GADL1: variants seen among roughly 807,000 people sequenced by gnomAD.
GADL1 encodes GAD like acidic amino acid decarboxylase 1.
A neutral mutation model predicts 69.5 loss-of-function variants in GADL1; 71 were observed. That is an observed-to-expected ratio of 1.02 (90% CI 0.84 to 1.25). The LOEUF (loss-of-function observed/expected upper bound fraction) is 1.25. Among genes scored for constraint, GADL1 ranks in the 50% most tolerant of loss-of-function variants. GADL1 has a pLI of 0.00. For missense variants in GADL1, 737 were observed against 631.8 expected (o/e 1.17, Z -1.79); for synonymous variants, 254 against 214.4 (o/e 1.18, Z -1.62).
intron 14 of GADL1, among the ~76,000 whole-genome samples, chr3:30,740,985 T>A (rs866249112): frequency 4.1e-5 from 5 of 121,850 alleles, no homozygotes; most frequent in South Asian, 4.7e-4. Context: ...TAATATATAT[T>A]ATATATTATA....
rs375787449 is a variant in GADL1 at position 30,834,211 on chromosome 3, A to G, written c.968+6T>C. On this transcript the variant is annotated splice_donor_region_variant and intron_variant, in intron 10 of 14. Transcript: ENST00000282538. ...AGTTGGCTGTACACCAGGAAACTACATTTACCTGTGGATGCCATGCAGAAG... is the reference window on the plus strand; with the variant it reads ...AGTTGGCTGTACACCAGGAAACTACGTTTACCTGTGGATGCCATGCAGAAG... 6.6e-5 allele frequency: 107 copies of G among 1,611,794 alleles called. No individual in the cohort carries two copies. The highest frequency in any genetic ancestry group is 8.7e-5 in the Non-Finnish European group (103 of 1,178,374).
chr3:30,862,068 G>A (rs1156999760), intron 1 of GADL1, among the ~76,000 whole-genome samples: 1 of 151,864 alleles, frequency 6.6e-6, no homozygotes. Context: ...GCAATTTCAG[G>A]TCTGATGGGG....
intron 6 of GADL1, among the ~76,000 whole-genome samples, chr3:30,845,051 G>A (rs1057405986): frequency 1.3e-5 from 2 of 152,130 alleles, no homozygotes; most frequent in African/African-American, 2.4e-5. Context: ...AGCAAACAAT[G>A]AGTTATAAGT....
intron 2 of GADL1, among the ~76,000 whole-genome samples, chr3:30,857,392 AAG>A (rs1377645557): frequency 2.6e-5 from 4 of 152,066 alleles, no homozygotes; most frequent in African/African-American, 7.2e-5. Flanking sequence ...TACATAGAAT[AAG>A]AGTAGAGCGA....
intron 11 of GADL1, among the ~76,000 whole-genome samples, chr3:30,823,945 A>G (rs1697636816): frequency 6.6e-6 from 1 of 151,882 alleles, no homozygotes; most frequent in Admixed American, 6.6e-5. Flanking sequence ...AACATGGAAA[A>G]ACAAAATTAA....
chr3:30,857,208 C>G, intron 2 of GADL1, 67 bp from the exon 3 acceptor site: 1 of 1,372,506 alleles, frequency 7.3e-7, no homozygotes, highest in Non-Finnish European at 1.0e-6. Flanking sequence ...ATGTTACAAA[C>G]GTGGACTCTA....
At chr3:30,866,905 T>G (rs1004938772) in intron 1 of GADL1, among the ~76,000 whole-genome samples, 2 of 152,100 alleles carry the variant, frequency 1.3e-5, no homozygotes. Context: ...GAGGACTGAC[T>G]GGCTGACTGT....
Position 30,760,153 on chromosome 3 carries a change from AAG to A in GADL1, c.1392+18024_1392+18025del, listed in dbSNP as rs537401980. Among the ~76,000 whole-genome samples the A allele has an allele frequency of 1.6e-3, 244 of 152,312 alleles. 1 individual carries two copies. Among genetic ancestry groups the A allele is most frequent in the African/African-American group, 5.7e-3 (237 of 41,562 alleles). On this transcript the variant is annotated intron_variant, in intron 14 of 14. Transcript: ENST00000282538. ...TCAAAGAAAACTTGGATGTACCAGA[AAG>A]AGAAGGCATACCCTGGTATGAAGTT...
rs773530741 is a variant in GADL1 at position 30,816,530 on chromosome 3, C to CTTTTTTTTTTTTTTTTT, written c.1051-15459_1051-15443dup. ...AGACCATATATTCTTAATTTGTTTT[C>CTTTTTTTTTTTTTTTTT]TTTTTTTTTTTTTTTTTTTTTTTTT... is the stretch of plus-strand genomic sequence containing the variant. On this transcript the variant is annotated intron_variant, in intron 11 of 14. Coordinates refer to ENST00000282538, the MANE Select transcript of GADL1 (RefSeq NM_207359.3). 1.0e-3 allele frequency among the ~76,000 whole-genome samples: 55 copies of CTTTTTTTTTTTTTTTTT among 53,988 alleles called. 17 individuals are homozygous for CTTTTTTTTTTTTTTTTT. Among genetic ancestry groups the CTTTTTTTTTTTTTTTTT allele is most frequent in the East Asian group, 2.4e-3 (4 of 1,666 alleles). 35.4% of individuals were successfully genotyped at this position (53,988 alleles called of 152,430 possible). A position where few individuals can be genotyped will look rare whatever the true frequency, so the allele number is the denominator to read the frequency against.
chr3:30,754,235 A>G (rs1326580889), intron 14 of GADL1, among the ~76,000 whole-genome samples: 1 of 152,202 alleles, frequency 6.6e-6, no homozygotes, highest in Non-Finnish European at 1.5e-5. Context: ...TGTGAGGGGC[A>G]GAAAGCCTAC....
intron 4 of GADL1, among the ~76,000 whole-genome samples, chr3:30,851,417 C>T (rs900976674): frequency 2.6e-5 from 4 of 152,156 alleles, no homozygotes; most frequent in Non-Finnish European, 5.9e-5. Flanking sequence ...CCAGGGCTTC[C>T]TCTACTACAC....
At chr3:30,753,867 T>C (rs111969577) in intron 14 of GADL1, among the ~76,000 whole-genome samples, 1,592 of 152,248 alleles carry the variant, frequency 0.01, 17 homozygotes, top group South Asian at 0.031. Flanking sequence ...CACTCAACTT[T>C]TGTTTTAGTG....
Position 30,745,985 on chromosome 3 carries a change from T to TCC in GADL1, c.1393-17571_1393-17570insGG, listed in dbSNP as rs753607003. 6.0e-3 allele frequency among the ~76,000 whole-genome samples: 776 copies of TCC among 129,568 alleles called. 7 individuals carry two copies. Among genetic ancestry groups the TCC allele is most frequent in the African/African-American group, 0.018 (634 of 35,260 alleles). The allele number at this position is 129,568 out of a possible 152,430, so 85.0% of individuals were successfully genotyped here. A position where few individuals can be genotyped will look rare whatever the true frequency, so the allele number is the denominator to read the frequency against. ...CCCCTCCTGCTCCTCCTCCTCCTCCTTCTTCTTCTTCTTTTTTCCTTTTAT... is the reference window on the plus strand; with the variant it reads ...CCCCTCCTGCTCCTCCTCCTCCTCCTCCTCTTCTTCTTCTTTTTTCCTTTTAT... On this transcript the variant is annotated intron_variant, in intron 14 of 14. Coordinates refer to ENST00000282538, the MANE Select transcript of GADL1 (RefSeq NM_207359.3).
intron 11 of GADL1, among the ~76,000 whole-genome samples, chr3:30,816,401 T>C (rs1697470081): frequency 6.6e-6 from 1 of 151,922 alleles, no homozygotes; most frequent in African/African-American, 2.4e-5. Flanking sequence ...AATCCCTCCA[T>C]ATGTGATCTG....
intron 6 of GADL1, among the ~76,000 whole-genome samples, chr3:30,844,824 C>T (rs1698028276): frequency 6.6e-6 from 1 of 152,166 alleles, no homozygotes; most frequent in Non-Finnish European, 1.5e-5. Context: ...GGGCTTAGCA[C>T]AGAGCCTGGC....
chr3:30,745,832 G>A (rs989485059), intron 14 of GADL1, among the ~76,000 whole-genome samples: 1 of 151,980 alleles, frequency 6.6e-6, no homozygotes, highest in Admixed American at 6.6e-5. Context: ...CTGATTTAAC[G>A]TTTAAAATTT....
At chr3:30,775,542 A>G (rs1559496348) in intron 14 of GADL1, among the ~76,000 whole-genome samples, 1 of 151,656 alleles carries the variant, frequency 6.6e-6, no homozygotes, top group Non-Finnish European at 1.5e-5. Flanking sequence ...TAAGAAACTC[A>G]GAACCAGTGA....
chr3:30,752,559 A>G (rs1695850919), intron 14 of GADL1, among the ~76,000 whole-genome samples: 1 of 151,782 alleles, frequency 6.6e-6, no homozygotes, highest in Non-Finnish European at 1.5e-5. Context: ...AACCACTCAT[A>G]AACCCAGTCT....
At chr3:30,795,329 G>A (rs1012910664) in intron 12 of GADL1, among the ~76,000 whole-genome samples, 2 of 152,134 alleles carry the variant, frequency 1.3e-5, no homozygotes, top group African/African-American at 4.8e-5. Context: ...AAAGAGTTAC[G>A]ATTATAGCTG....
Sources: gnomAD v4.1 joint callset for allele counts (sites outside exome capture counted in the v4.1 genomes callset) on GRCh38, gnomAD v4.1.1 for gene constraint, MANE v1.5 for transcripts, NCBI Gene and HGNC (gene_info 2026-07-23, HGNC 2026-07-21) for gene names.